BTAF1: variants seen among roughly 807,000 people sequenced by gnomAD.
BTAF1 encodes the protein TATA-binding protein-associated factor 172.
BTAF1 carries 38 observed loss-of-function variants against 227.1 expected under a neutral mutation model. That is an observed-to-expected ratio of 0.17 (90% CI 0.13 to 0.22). The LOEUF (loss-of-function observed/expected upper bound fraction) is 0.22. Among genes scored for constraint, BTAF1 ranks in the 10% least tolerant of loss-of-function variants. The pLI is 1.00. For synonymous variants in BTAF1, 742 were observed against 751.9 expected, an observed-to-expected ratio of 0.99 and a Z score of 0.21; for missense variants, 1,598 against 2,204.0, an observed-to-expected ratio of 0.73 and a Z score of 5.51.
At position 92,026,584 on chromosome 10, in the gene BTAF1, A is replaced by G; in HGVS notation, c.5076-8A>G. The G allele has an allele frequency of 6.3e-7, 1 of 1,597,310 alleles. No individual in the cohort carries two copies. Among genetic ancestry groups the G allele is most frequent in the Non-Finnish European group, 8.5e-7 (1 of 1,169,638 alleles). On this transcript the variant is annotated splice_region_variant and splice_polypyrimidine_tract_variant and intron_variant, in intron 35 of 37. Transcript: ENST00000265990. ...TGGACTAATTTTATTTTTGTTATCT[A>G]CTTTTAGGTTTAATAATGATCCATC...
At chr10:91,967,725 C>T (rs1847021968) in intron 14 of BTAF1, among the ~76,000 whole-genome samples, 2 of 152,210 alleles carry the variant, frequency 1.3e-5, no homozygotes, top group African/African-American at 4.8e-5. Flanking sequence ...GCTGATATGA[C>T]AGCTGGCATG....
intron 2 of BTAF1, among the ~76,000 whole-genome samples, chr10:91,938,344 A>G (rs1286546271): frequency 2.0e-5 from 3 of 152,168 alleles, no homozygotes; most frequent in Non-Finnish European, 2.9e-5. Flanking sequence ...GCCTAATCCA[A>G]GGTGACAAAG....
chr10:91,940,197 G>T, intron 3 of BTAF1, 131 bp downstream of exon 3: 3 of 472,596 alleles, frequency 6.3e-6, no homozygotes, highest in East Asian at 7.5e-5. Context: ...AGCTTTGTCA[G>T]GAAATGATAC....
At chr10:91,927,212 C>T (rs1843911752) in intron 1 of BTAF1, among the ~76,000 whole-genome samples, 1 of 151,546 alleles carries the variant, frequency 6.6e-6, no homozygotes, top group Admixed American at 6.6e-5. Context: ...GTTCTTGACT[C>T]ACCATAACCT....
At position 91,980,515 on chromosome 10, in the gene BTAF1, G is replaced by T. The variant is rs752262794; in HGVS notation, c.1712G>T (p.Cys571Phe). The change falls in exon 15 of 38, where the codon TGT becomes TTT. Residue 571 changes from cysteine to phenylalanine, a missense_variant. Coordinates refer to ENST00000265990, the MANE Select transcript of BTAF1 (RefSeq NM_003972.3). ...PDMLRHIFQF[C>F]VLESSQEILD... is the part of the protein sequence containing the mutation. ...ATGCTCCGACACATTTTTCAGTTCT[G>T]TGTTTTGGAAAGCAGCCAGGAAATT... The T allele has an allele frequency of 1.9e-6, 3 of 1,613,082 alleles. No homozygotes were observed. The highest frequency in any genetic ancestry group is 2.5e-6 in the Non-Finnish European group (3 of 1,179,458).
At chr10:92,020,111 T>A in intron 34 of BTAF1, among the ~76,000 whole-genome samples, 1 of 72,698 alleles carries the variant, frequency 1.4e-5, no homozygotes, top group South Asian at 8.5e-4. Context: ...ATCTTTTTAC[T>A]TCTTGATAAT....
chr10:91,935,835 G>A, intron 2 of BTAF1, 55 bp downstream of exon 2: 1 of 1,375,182 alleles, frequency 7.3e-7, no homozygotes. Flanking sequence ...CTTATTCATG[G>A]ATAGGAACAC....
rs750043412 is a variant in BTAF1, at chr10:91,940,086, G to A, written c.253+20G>A. On this transcript the variant is annotated intron_variant, in intron 3 of 37. Coordinates refer to ENST00000265990, the MANE Select transcript of BTAF1 (RefSeq NM_003972.3). ...GACAAGGTGCTTTTAAGTGGAGAAA[G>A]TAGTTTTAAGTAAAAACCTAACTGT... 5 of 1,503,906 alleles carry A rather than the reference G, an allele frequency of 3.3e-6. No individual in the cohort carries two copies. The East Asian group carries it at 6.8e-5, about 20-fold the overall frequency. 93.2% of individuals were successfully genotyped at this position (1,503,906 alleles called of 1,614,324 possible).
intron 23 of BTAF1, among the ~76,000 whole-genome samples, chr10:91,995,662 C>T (rs1849087744): frequency 6.7e-6 from 1 of 149,264 alleles, no homozygotes; most frequent in East Asian, 2.0e-4. Flanking sequence ...GGCGACAGAG[C>T]GAGACTCAGT....
chr10:91,941,438 TAA>T (rs1475507861), intron 3 of BTAF1, among the ~76,000 whole-genome samples: 1 of 152,242 alleles, frequency 6.6e-6, no homozygotes, highest in Non-Finnish European at 1.5e-5. Context: ...AACAAACTAT[TAA>T]GTCAGTAAGT....
chr10:91,989,329 A>G lies in BTAF1; in HGVS notation c.2603A>G (p.Gln868Arg). 1.9e-6 allele frequency: 3 copies of G among 1,614,190 alleles called. No homozygotes were observed. Among genetic ancestry groups the G allele is most frequent in the Non-Finnish European group, 2.5e-6 (3 of 1,180,026 alleles). ...TFAACAVVSL[Q>R]QLPEKLNPII... is the part of the protein sequence containing the mutation. ...GCTGCCTGTGCAGTTGTGAGCTTGC[A>G]GCAGCTTCCGGAGAAATTAAATCCT... The change falls in exon 20 of 38, where the codon CAG (glutamine) becomes CGG (arginine). Residue 868 changes from glutamine to arginine, a missense_variant. Gln to Arg is a conservative substitution (Grantham distance 43). Coordinates refer to ENST00000265990, the MANE Select transcript of BTAF1 (RefSeq NM_003972.3).
chr10:91,963,529 A>G (rs1376353820), intron 12 of BTAF1, among the ~76,000 whole-genome samples: 1 of 152,028 alleles, frequency 6.6e-6, no homozygotes, highest in Non-Finnish European at 1.5e-5. Flanking sequence ...TTGGCCTTCC[A>G]GAGTGCTGGG....
rs976498012 is a variant in BTAF1 at position 92,013,758 on chromosome 10, C to G, written c.4403C>G (p.Pro1468Arg). The G allele has an allele frequency of 6.2e-7, 1 of 1,613,912 alleles. No individual in the cohort carries two copies. Among genetic ancestry groups the G allele is most frequent in the Non-Finnish European group, 8.5e-7 (1 of 1,179,960 alleles). ...CAGTTTGCTGCTCGATATGGTAAAC[C>G]TATATTAGCAAGTAGGGATGCTCGA... ...ERQFAARYGK[P>R]ILASRDARSS... is the part of the protein sequence containing the mutation. The change falls in exon 31 of 38, where the codon CCT (proline) becomes CGT (arginine). Residue 1468 changes from proline (P) to arginine (R), a missense_variant. This residue lies in a region of BTAF1 where 184 missense variants were observed against 341.1 expected (regional missense o/e 0.54). Coordinates refer to ENST00000265990, the MANE Select transcript of BTAF1 (RefSeq NM_003972.3).
At chr10:91,989,732 TACATGAATTTGCAC>T in intron 20 of BTAF1, 152 bp downstream of exon 20, 1 of 818,356 alleles carries the variant, frequency 1.2e-6, no homozygotes, top group Non-Finnish European at 1.9e-6. Flanking sequence ...AACTCTTTGT[TACATGAATTTGCAC>T]ATAATACTTA....
chr10:91,952,902 A>C (rs563028972), intron 5 of BTAF1, among the ~76,000 whole-genome samples: 1 of 152,366 alleles, frequency 6.6e-6, no homozygotes, highest in Admixed American at 6.5e-5. Context: ...TAAGAAAATG[A>C]ATGGGCAGGT....
rs1390891687 is a variant in BTAF1 at position 92,029,791 on chromosome 10, T to G, written c.*858T>G. 2.0e-5 allele frequency: 3 copies of G among 152,406 alleles called. No individual in the cohort carries two copies. The highest frequency in any genetic ancestry group is 7.2e-5 in the African/African-American group (3 of 41,448). 9.4% of individuals were successfully genotyped at this position (152,406 alleles called of 1,614,324 possible). On this transcript the variant is annotated 3_prime_UTR_variant, in exon 38 of 38. Coordinates refer to ENST00000265990, the MANE Select transcript of BTAF1 (RefSeq NM_003972.3). ...GTGGAAAGACTGTTTATTGTAGTAA[T>G]GCATGGCTGAAGCATAAAAGGGAGA...
chr10:91,981,888 T>C lies in BTAF1; in HGVS notation c.1905+96T>C, dbSNP rs1848086726. 3 of 1,408,582 alleles carry C rather than the reference T, an allele frequency of 2.1e-6. No homozygotes were observed. In the Admixed American group the frequency reaches 8.3e-5, roughly 39 times the overall value. The allele number at this position is 1,408,582 out of a possible 1,614,324, so 87.3% of individuals were successfully genotyped here. ...AAAATCTGTATTGCCTTAAGTGTGA[T>C]TTAATTAACATAAGTAAGGAGAAAC... On this transcript the variant is annotated intron_variant, in intron 16 of 37. Transcript: ENST00000265990.
At chr10:91,953,919 T>C in intron 6 of BTAF1, 46 bp downstream of exon 6, 1 of 1,605,180 alleles carries the variant, frequency 6.2e-7, no homozygotes, top group Admixed American at 1.7e-5. Flanking sequence ...GAGGGCTCTG[T>C]GGCTTTAATC....
chr10:92,024,732 G>GT (rs1554870028), intron 34 of BTAF1, 24 bp from the exon 35 acceptor site: 52,326 of 1,225,320 alleles, frequency 0.043, 2 homozygotes, highest in African/African-American at 0.093. Context: ...CGCTTATGTA[G>GT]TTTTTTTTTT....
Sources: gnomAD v4.1 joint callset for allele counts (sites outside exome capture counted in the v4.1 genomes callset) on GRCh38, gnomAD v4.1.1 for gene constraint, gnomAD v4.1.1 regional missense constraint, MANE v1.5 for transcripts, NCBI Gene and HGNC (gene_info 2026-07-23, HGNC 2026-07-21) for gene names.